Variants in PARD3 observed in about 807,000 individuals in gnomAD.
PARD3 encodes the protein partitioning defective 3 homolog.
PARD3 carries 75 observed loss-of-function variants against 155.4 expected under a neutral mutation model. The ratio of observed to expected loss-of-function variants is 0.48; its 90% CI spans 0.40 to 0.58. The LOEUF (loss-of-function observed/expected upper bound fraction) is 0.58. PARD3 is among the 20% of genes least tolerant of loss of function. The pLI, the probability that PARD3 is intolerant of heterozygous loss-of-function variation, is 0.00. For synonymous variants in PARD3, 576 were observed against 610.5 expected, an observed-to-expected ratio of 0.94 and a Z score of 0.83; for missense variants, 1,642 against 1,721.7, an observed-to-expected ratio of 0.95 and a Z score of 0.82.
At chr10:34,251,130 T>A (rs1049514552) in intron 22 of PARD3, among the ~76,000 whole-genome samples, 1 of 152,200 alleles carries the variant, frequency 6.6e-6, no homozygotes, top group Non-Finnish European at 1.5e-5. Flanking sequence ...TCCATAACCA[T>A]GCCCATTTTA....
intron 5 of PARD3, among the ~76,000 whole-genome samples, chr10:34,441,894 T>C (rs768754169): frequency 3.3e-5 from 5 of 152,232 alleles, no homozygotes; most frequent in Non-Finnish European, 7.3e-5. Context: ...ACAAGTCTCT[T>C]AAAAGGTTGT....
At chr10:34,388,113 C>G (rs1842527219) in intron 7 of PARD3, among the ~76,000 whole-genome samples, 1 of 152,132 alleles carries the variant, frequency 6.6e-6, no homozygotes, top group Admixed American at 6.6e-5. Context: ...TGGAAGAAGA[C>G]TGCAGAAGAG....
chr10:34,430,348 T>A (rs1385122404), intron 5 of PARD3, among the ~76,000 whole-genome samples: 1 of 152,206 alleles, frequency 6.6e-6, no homozygotes, highest in Non-Finnish European at 1.5e-5. Flanking sequence ...TAGAATAGAC[T>A]ATTGTACGTA....
rs567890916 is a variant in PARD3, at chr10:34,161,277, G to T, written c.3420-29694C>A. The stretch of plus-strand genomic sequence containing the variant: ...AAAAAAAAAGAAGAGAATCGAGTGA[G>T]AATTAGCATGAAATGGGGAGAAGAG... On this transcript the variant is annotated intron_variant, in intron 22 of 24. Transcript: ENST00000374788. Among the ~76,000 whole-genome samples the T allele has an allele frequency of 1.5e-4, 22 of 149,948 alleles. No homozygotes were observed. The South Asian group carries it at 3.4e-3, about 23-fold the overall frequency.
At chr10:34,354,369 C>A (rs1838546104) in intron 14 of PARD3, among the ~76,000 whole-genome samples, 2 of 150,972 alleles carry the variant, frequency 1.3e-5, no homozygotes, top group East Asian at 2.0e-4. Flanking sequence ...CACAGCGAGA[C>A]TCTGTCTCAA....
At position 34,605,193 on chromosome 10, in the gene PARD3, T is replaced by A. The variant is rs1387950193; in HGVS notation, c.223-88034A>T. Among the ~76,000 whole-genome samples, 34 of 126,410 alleles carry A rather than the reference T, an allele frequency of 2.7e-4. 1 individual carries two copies. The highest frequency in any genetic ancestry group is 7.5e-4 in the African/African-American group (25 of 33,260). 82.9% of individuals were successfully genotyped at this position (126,410 alleles called of 152,430 possible). On this transcript the variant is annotated intron_variant, in intron 2 of 24. Coordinates refer to ENST00000374788, the MANE Select transcript of PARD3 (RefSeq NM_001184785.2). ...CCCCAAAATGAAATTTTTTTTTTTT[T>A]TTTTTTTTTTTTTTTTTGAGACGGA... is the stretch of plus-strand genomic sequence containing the variant.
intron 3 of PARD3, among the ~76,000 whole-genome samples, chr10:34,475,957 T>C (rs770587178): frequency 7.2e-5 from 11 of 152,050 alleles, no homozygotes; most frequent in East Asian, 1.9e-4. Flanking sequence ...AACCTCACCA[T>C]GTAAATCAAG....
intron 3 of PARD3, among the ~76,000 whole-genome samples, chr10:34,497,203 G>A (rs1032917911): frequency 1.3e-5 from 2 of 151,572 alleles, no homozygotes; most frequent in Admixed American, 6.6e-5. Flanking sequence ...CTGAATCCAC[G>A]GACTGAATCT....
chr10:34,687,993 T>C (rs775051877), intron 2 of PARD3, among the ~76,000 whole-genome samples: 7 of 151,416 alleles, frequency 4.6e-5, no homozygotes, highest in Non-Finnish European at 8.8e-5. Flanking sequence ...TAGCTCAGAC[T>C]ACAGGCCAGC....
chr10:34,199,790 G>A (rs1003528909), intron 22 of PARD3, among the ~76,000 whole-genome samples: 3 of 152,116 alleles, frequency 2.0e-5, no homozygotes, highest in Non-Finnish European at 2.9e-5. Flanking sequence ...ATCAGTAACT[G>A]GGCCATAAAA....
intron 24 of PARD3, among the ~76,000 whole-genome samples, chr10:34,114,714 G>A (rs1946571554): frequency 6.6e-6 from 1 of 152,158 alleles, no homozygotes; most frequent in Non-Finnish European, 1.5e-5. Flanking sequence ...CCAAGACACA[G>A]AAAAGCATCA....
intron 19 of PARD3, 36 bp downstream of exon 19, chr10:34,331,081 T>C (rs1835569580): frequency 1.3e-6 from 2 of 1,535,326 alleles, no homozygotes; most frequent in Admixed American, 3.4e-5. Flanking sequence ...TAGAGTCTAA[T>C]TTTAATTATT....
chr10:34,764,146 T>C (rs1837799720), intron 1 of PARD3, among the ~76,000 whole-genome samples: 1 of 152,230 alleles, frequency 6.6e-6, no homozygotes, highest in Non-Finnish European at 1.5e-5. Flanking sequence ...TCATATATTA[T>C]TGCAGCTTTA....
chr10:34,617,004 G>A (rs1202389431), intron 2 of PARD3, among the ~76,000 whole-genome samples: 2 of 151,084 alleles, frequency 1.3e-5, no homozygotes, highest in East Asian at 3.9e-4. Flanking sequence ...ACATGTAATC[G>A]TAGCACTTTA....
rs80248643 is a variant in PARD3 at position 34,570,236 on chromosome 10, G to T, written c.223-53077C>A. On this transcript the variant is annotated intron_variant, in intron 2 of 24. Coordinates refer to ENST00000374788, the MANE Select transcript of PARD3 (RefSeq NM_001184785.2). ...GCAAACTCTGTGGTTTTCCAACTGT[G>T]CTTGGCAATGTGTGTCTTCTTACTT... is the stretch of plus-strand genomic sequence containing the variant. Among the ~76,000 whole-genome samples the T allele has an allele frequency of 1.8e-4, 28 of 152,264 alleles. No homozygotes were observed. In the East Asian group the frequency reaches 5.4e-3, roughly 29 times the overall value.
At chr10:34,712,718 A>G (rs1158238198) in intron 1 of PARD3, among the ~76,000 whole-genome samples, 3 of 152,024 alleles carry the variant, frequency 2.0e-5, no homozygotes, top group Non-Finnish European at 4.4e-5. Flanking sequence ...GGCCTTTTTT[A>G]AGGGGGTACA....
intron 3 of PARD3, among the ~76,000 whole-genome samples, chr10:34,501,106 T>TA (rs1051678294): frequency 6.6e-6 from 1 of 152,090 alleles, no homozygotes; most frequent in African/African-American, 2.4e-5. Flanking sequence ...CTCACCTAAA[T>TA]AAAAAATGGT....
At chr10:34,172,745 AC>A (rs1472081214) in intron 22 of PARD3, among the ~76,000 whole-genome samples, 197 of 141,988 alleles carry the variant, frequency 1.4e-3, no homozygotes, top group African/African-American at 4.5e-3. Flanking sequence ...AAACAAAAAA[AC>A]AACAAAAAAA....
intron 1 of PARD3, among the ~76,000 whole-genome samples, chr10:34,765,548 C>T (rs1837983348): frequency 6.6e-6 from 1 of 151,940 alleles, no homozygotes. Flanking sequence ...CATAGTGGTG[C>T]ATACCTGTCA....
Sources: allele counts gnomAD v4.1 joint callset (sites outside exome capture counted in the v4.1 genomes callset), GRCh38; gene constraint gnomAD v4.1.1; transcripts MANE v1.5; gene names NCBI Gene and HGNC (gene_info 2026-07-23, HGNC 2026-07-21).